FIBCD1: variants seen among roughly 807,000 people sequenced by gnomAD.
The protein encoded by FIBCD1 is fibrinogen C domain containing 1, also known as fibrinogen C domain-containing protein 1.
In FIBCD1, 47 loss-of-function variants were observed where a neutral mutation model predicts 45.1. The observed-to-expected ratio is 1.04, with a 90% CI of 0.82 to 1.33. FIBCD1 has a LOEUF of 1.33. Among genes scored for constraint, FIBCD1 ranks in the 40% most tolerant of loss-of-function variants. The probability of loss-of-function intolerance (pLI) is 0.00; values close to 1 mark genes in which losing one functional copy is unlikely to be tolerated. For missense variants in FIBCD1, 653 were observed against 682.2 expected (o/e 0.96, Z 0.48); for synonymous variants, 313 against 308.1 (o/e 1.02, Z -0.17).
chr9:130,928,536 C>T (rs1321974593), intron 2 of FIBCD1, among the ~76,000 whole-genome samples: 1 of 152,242 alleles, frequency 6.6e-6, no homozygotes. Context: ...ATCAGTCACC[C>T]AGACAGGGTG....
chr9:130,911,599 C>A (rs1374086410), intron 5 of FIBCD1, among the ~76,000 whole-genome samples, 193 bp downstream of exon 5: 1 of 152,252 alleles, frequency 6.6e-6, no homozygotes, highest in East Asian at 1.9e-4. Context: ...GCTGACACTT[C>A]CGTTGGCAAT....
At chr9:130,921,971 C>T (rs1276424315) in intron 4 of FIBCD1, among the ~76,000 whole-genome samples, 1 of 152,206 alleles carries the variant, frequency 6.6e-6, no homozygotes, top group Non-Finnish European at 1.5e-5. Context: ...CTGGCGGACT[C>T]GTCCCTCCAC....
At chr9:130,911,337 AACC>A (rs918835079) in intron 5 of FIBCD1, among the ~76,000 whole-genome samples, 19 of 152,204 alleles carry the variant, frequency 1.2e-4, no homozygotes, top group Middle Eastern at 3.4e-3. Context: ...TGAGACCAAG[AACC>A]CACCAATTCT....
In FIBCD1 at chr9:130,924,252, G is replaced by A. The variant is rs369242270; in HGVS notation, c.697C>T (p.Arg233Trp). The A allele has an allele frequency of 4.5e-5, 72 of 1,596,556 alleles. No individual in the cohort carries two copies. The highest frequency in any genetic ancestry group is 3.7e-4 in the African/African-American group (28 of 74,830). The part of the protein sequence containing the change: ...QRAPARGTRP[R>W]GCATGSRPRD... ...CCCCACTCACCAGTGGCACAGCCCC[G>A]GGGCCGGGTTCCCCGGGCAGGCGCT... Residue 233 changes from arginine (R) to tryptophan (W), a missense_variant, in exon 3 of 7, where the codon CGG (arginine) becomes TGG (tryptophan). By Grantham distance (101) the Arg-to-Trp change is moderately radical (BLOSUM62 -3). Coordinates refer to ENST00000372338, the MANE Select transcript of FIBCD1 (RefSeq NM_032843.5).
At chr9:130,912,974 G>A (rs6597652) in intron 4 of FIBCD1, among the ~76,000 whole-genome samples, 80,956 of 151,982 alleles carry the variant, frequency 0.53, 23,682 homozygotes, top group African/African-American at 0.78. Context: ...AGGGGTCGGG[G>A]TGCTGGGAAA....
In FIBCD1 at chr9:130,911,904, G is replaced by A. The variant is rs1473597589; in HGVS notation, c.850-16C>T. 3 of 1,559,930 alleles carry A rather than the reference G, an allele frequency of 1.9e-6. No individual in the cohort carries two copies. Among genetic ancestry groups the A allele is most frequent in the East Asian group, 2.4e-5 (1 of 41,300 alleles). ...GCTGAAACACCTGCAAAGGGAAGATGGGGATGGGGCGTTGGCACCGACCAT... is the reference window on the plus strand; with the variant it reads ...GCTGAAACACCTGCAAAGGGAAGATAGGGATGGGGCGTTGGCACCGACCAT... On this transcript the variant is annotated splice_polypyrimidine_tract_variant and intron_variant, in intron 4 of 6. Transcript: ENST00000372338.
chr9:130,918,418 C>T (rs1376642438), intron 4 of FIBCD1, among the ~76,000 whole-genome samples: 3 of 152,142 alleles, frequency 2.0e-5, no homozygotes, highest in Non-Finnish European at 2.9e-5. Context: ...AGAGGGTCTC[C>T]GATGCCTTAG....
chr9:130,904,552 T>A (rs2133064109), intron 6 of FIBCD1, among the ~76,000 whole-genome samples: 1 of 152,218 alleles, frequency 6.6e-6, no homozygotes, highest in Non-Finnish European at 1.5e-5. Flanking sequence ...CGGGCGTGCC[T>A]GGGGCTGCCC....
At chr9:130,937,174 T>C (rs1349216167) in intron 1 of FIBCD1, among the ~76,000 whole-genome samples, 2 of 152,084 alleles carry the variant, frequency 1.3e-5, no homozygotes, top group East Asian at 3.9e-4. Flanking sequence ...GTTAAGACAG[T>C]TCTTGCTAAG....
At chr9:130,905,936 G>C (rs1237375489) in intron 5 of FIBCD1, among the ~76,000 whole-genome samples, 2 of 152,166 alleles carry the variant, frequency 1.3e-5, no homozygotes, top group Non-Finnish European at 2.9e-5. Context: ...GCCCCTGTGG[G>C]TATTTATCTT....
At chr9:130,917,505 C>T (rs570906755) in intron 4 of FIBCD1, among the ~76,000 whole-genome samples, 5 of 152,308 alleles carry the variant, frequency 3.3e-5, no homozygotes, top group South Asian at 4.1e-4. Context: ...CAGCAGCCAC[C>T]GACGGCCCTG....
At chr9:130,927,084 A>T (rs889948563) in intron 2 of FIBCD1, among the ~76,000 whole-genome samples, 1 of 151,996 alleles carries the variant, frequency 6.6e-6, no homozygotes, top group Non-Finnish European at 1.5e-5. Context: ...AAAAATTTTA[A>T]TCAAAAAAAT....
At chr9:130,924,919 G>A (rs926169942) in intron 2 of FIBCD1, among the ~76,000 whole-genome samples, 2 of 152,194 alleles carry the variant, frequency 1.3e-5, no homozygotes, top group African/African-American at 2.4e-5. Context: ...GGCAAGGACC[G>A]GCCGGGTACT....
intron 4 of FIBCD1, among the ~76,000 whole-genome samples, chr9:130,916,034 A>G (rs959131482): frequency 2.6e-5 from 4 of 152,084 alleles, no homozygotes; most frequent in African/African-American, 7.2e-5. Context: ...GGTTCAAGCA[A>G]TTCTCTGCCT....
chr9:130,923,228 C>A (rs1832292028), intron 4 of FIBCD1, among the ~76,000 whole-genome samples: 2 of 152,206 alleles, frequency 1.3e-5, no homozygotes, highest in South Asian at 4.1e-4. Flanking sequence ...GCATCTCGCT[C>A]CTGTTTCCCA....
chr9:130,924,498 G>A, intron 2 of FIBCD1, 102 bp from the exon 3 acceptor site: 1 of 1,182,940 alleles, frequency 8.5e-7, no homozygotes, highest in Non-Finnish European at 1.2e-6. Flanking sequence ...TCCTGAGGCA[G>A]AGGTGGGCTT....
intron 4 of FIBCD1, among the ~76,000 whole-genome samples, chr9:130,915,962 T>TTAC (rs1377366862): frequency 2.6e-5 from 4 of 151,868 alleles, no homozygotes; most frequent in African/African-American, 9.7e-5. Context: ...ACACAGAGTG[T>TTAC]TACTCTGTCA....
intron 5 of FIBCD1, among the ~76,000 whole-genome samples, chr9:130,907,814 G>A (rs1831960481): frequency 6.6e-6 from 1 of 150,516 alleles, no homozygotes; most frequent in Admixed American, 6.6e-5. Context: ...CAGGAGAATC[G>A]CTTGAACCCG....
intron 4 of FIBCD1, among the ~76,000 whole-genome samples, chr9:130,912,314 A>G (rs7868672): frequency 0.53 from 79,272 of 149,492 alleles, 23,079 homozygotes; most frequent in African/African-American, 0.78. Context: ...GCTGAGGCAG[A>G]AGGATCCCTT....
Sources: gnomAD v4.1 joint callset for allele counts (sites outside exome capture counted in the v4.1 genomes callset) on GRCh38, gnomAD v4.1.1 for gene constraint, MANE v1.5 for transcripts, NCBI Gene and HGNC (gene_info 2026-07-23, HGNC 2026-07-21) for gene names.